SUGCT: variants seen among roughly 807,000 people sequenced by gnomAD.
The protein encoded by SUGCT is succinyl-CoA:glutarate CoA-transferase.
A neutral mutation model predicts 55.0 loss-of-function variants in SUGCT; 41 were observed. The ratio of observed to expected loss-of-function variants is 0.74; its 90% CI spans 0.58 to 0.97. SUGCT has a LOEUF of 0.97. Ranked by LOEUF, SUGCT falls within the 50% of genes least tolerant of loss-of-function variation. The pLI is 0.00. For synonymous variants in SUGCT, 187 were observed against 200.4 expected, an observed-to-expected ratio of 0.93 and a Z score of 0.56; for missense variants, 568 against 547.8, an observed-to-expected ratio of 1.04 and a Z score of -0.37.
chr7:40,358,956 G>C (rs1315675816), intron 9 of SUGCT, among the ~76,000 whole-genome samples: 1 of 152,170 alleles, frequency 6.6e-6, no homozygotes, highest in Non-Finnish European at 1.5e-5. Flanking sequence ...ATAGGTAACT[G>C]TGGGAAATAT....
intron 9 of SUGCT, among the ~76,000 whole-genome samples, chr7:40,322,190 C>G (rs1244801669): frequency 2.0e-5 from 3 of 152,100 alleles, no homozygotes; most frequent in African/African-American, 4.8e-5. Flanking sequence ...TGATTGTTAC[C>G]AGGGAGTTTC....
intron 1 of SUGCT, among the ~76,000 whole-genome samples, chr7:40,168,748 G>C (rs1784536636): frequency 6.6e-6 from 1 of 152,218 alleles, no homozygotes; most frequent in African/African-American, 2.4e-5. Context: ...TCGGCGGCTA[G>C]CCATCCTGAG....
the SUGCT span, among the ~76,000 whole-genome samples, chr7:40,913,330 C>T: frequency 1.8e-4 from 28 of 152,218 alleles, no homozygotes; most frequent in African/African-American, 6.5e-4. Flanking sequence ...ATAACACATC[C>T]TGGTTTTAGA....
At chr7:40,894,891 A>G in the SUGCT span, among the ~76,000 whole-genome samples, 1 of 152,310 alleles carries the variant, frequency 6.6e-6, no homozygotes, top group South Asian at 2.1e-4. Flanking sequence ...GCCACGTAGA[A>G]AGCAATGTGT....
chr7:41,020,087 G>A, the SUGCT span, among the ~76,000 whole-genome samples: 5 of 152,074 alleles, frequency 3.3e-5, no homozygotes, highest in South Asian at 2.1e-4. Flanking sequence ...ATTGTCAAGG[G>A]GATTGAATGC....
chr7:40,926,726 C>T, the SUGCT span, among the ~76,000 whole-genome samples: 5 of 152,168 alleles, frequency 3.3e-5, no homozygotes, highest in African/African-American at 1.2e-4. Context: ...GAAGGGAACC[C>T]TGACCAGGAA....
chr7:40,517,548 A>T (rs1793308970), intron 12 of SUGCT, among the ~76,000 whole-genome samples: 1 of 152,196 alleles, frequency 6.6e-6, no homozygotes, highest in Admixed American at 6.5e-5. Flanking sequence ...GAGTGTTTTT[A>T]TCATAAAAGG....
At position 40,459,148 on chromosome 7, in the gene SUGCT, C is replaced by T; in HGVS notation, c.936C>T (p.Asn312=). ...ELIDNSKYKT[N]HLRVHNRKEL... is the part of the protein sequence containing the mutation. ...TTGATAATTCCAAGTATAAAACTAA[C>T]CACCTTCGGGTACACAATAGAAAAG... Residue 312 remains asparagine (N), a synonymous_variant, in exon 11 of 14, where the codon AAC becomes AAT. Transcript: ENST00000335693. 5 of 1,611,888 alleles carry T rather than the reference C, an allele frequency of 3.1e-6. No individual in the cohort carries two copies. The highest frequency in any genetic ancestry group is 4.2e-6 in the Non-Finnish European group (5 of 1,178,730).
the SUGCT span, among the ~76,000 whole-genome samples, chr7:40,879,285 A>G: frequency 3.3e-5 from 5 of 152,206 alleles, no homozygotes; most frequent in Admixed American, 2.0e-4. Context: ...ATAATAGTAT[A>G]ATTAACCTCC....
At chr7:40,318,312 G>A (rs2151114525) in intron 9 of SUGCT, among the ~76,000 whole-genome samples, 1 of 152,090 alleles carries the variant, frequency 6.6e-6, no homozygotes, top group Middle Eastern at 3.4e-3. Context: ...CTAGGTCAAG[G>A]GTCTGATCAA....
chr7:40,543,826 A>G (rs896832891), intron 12 of SUGCT, among the ~76,000 whole-genome samples: 5 of 152,206 alleles, frequency 3.3e-5, no homozygotes, highest in African/African-American at 1.2e-4. Context: ...TGTTTTAATA[A>G]TAAGTATATG....
At chr7:40,908,382 CAAAAA>C in the SUGCT span, among the ~76,000 whole-genome samples, 1 of 82,628 alleles carries the variant, frequency 1.2e-5, no homozygotes, top group Admixed American at 1.4e-4. Context: ...GACTCTGTCT[CAAAAA>C]AAAAAAAAAA....
rs576590558 is a variant in SUGCT at position 40,844,277 on chromosome 7, C to A, written c.1154-16039C>A. On this transcript the variant is annotated intron_variant, in intron 13 of 13. Transcript: ENST00000335693. Reference sequence around the variant, plus strand: ...AGGGTCAGGGTGACAGCCTTTTACACCCTGCCCTCTTGGTATCCAAGTTTT... The same window carrying A: ...AGGGTCAGGGTGACAGCCTTTTACAACCTGCCCTCTTGGTATCCAAGTTTT... 3.9e-5 allele frequency among the ~76,000 whole-genome samples: 6 copies of A among 152,250 alleles called. 1 individual carries two copies. In the South Asian group the frequency reaches 1.2e-3, roughly 32 times the overall value.
chr7:40,690,662 C>T (rs575435274), intron 12 of SUGCT, among the ~76,000 whole-genome samples: 171 of 152,056 alleles, frequency 1.1e-3, no homozygotes, highest in African/African-American at 3.9e-3. Context: ...CTGACCTCCT[C>T]GGCTCAGATG....
intron 6 of SUGCT, among the ~76,000 whole-genome samples, chr7:40,229,256 C>T (rs184948195): frequency 1.4e-3 from 209 of 152,322 alleles, no homozygotes; most frequent in African/African-American, 4.7e-3. Context: ...CGGTGGCTCA[C>T]GCCTGTAATC....
intron 9 of SUGCT, among the ~76,000 whole-genome samples, chr7:40,412,925 A>G (rs1206055063): frequency 6.6e-6 from 1 of 152,166 alleles, no homozygotes; most frequent in Admixed American, 6.5e-5. Context: ...TGTTAAAAGT[A>G]TGCTCTTTAC....
At chr7:40,846,992 T>C (rs1055690339) in intron 13 of SUGCT, among the ~76,000 whole-genome samples, 4 of 152,222 alleles carry the variant, frequency 2.6e-5, no homozygotes, top group African/African-American at 9.6e-5. Flanking sequence ...AAGTACTCAA[T>C]AAATAATAGC....
chr7:40,815,550 T>C (rs1177499304), intron 13 of SUGCT, among the ~76,000 whole-genome samples: 1 of 151,864 alleles, frequency 6.6e-6, no homozygotes, highest in Admixed American at 6.6e-5. Context: ...AAGGTCTCCC[T>C]ACACCAAGTT....
At chr7:40,710,263 G>A (rs1205195671) in intron 12 of SUGCT, among the ~76,000 whole-genome samples, 2 of 152,142 alleles carry the variant, frequency 1.3e-5, no homozygotes, top group Admixed American at 6.5e-5. Flanking sequence ...GCTGTAGAAC[G>A]CAACACAGAG....
Sources: allele counts gnomAD v4.1 joint callset (sites outside exome capture counted in the v4.1 genomes callset), GRCh38; gene constraint gnomAD v4.1.1; transcripts MANE v1.5; gene names NCBI Gene and HGNC (gene_info 2026-07-23, HGNC 2026-07-21).